PARVB: variants seen among roughly 807,000 people sequenced by gnomAD.
The protein encoded by PARVB is parvin beta, also known as beta-parvin.
Under a neutral mutation model 47.0 loss-of-function variants are expected in PARVB, and 46 were observed. The ratio of observed to expected loss-of-function variants is 0.98; its 90% CI spans 0.77 to 1.25. PARVB has a LOEUF of 1.25. Among genes scored for constraint, PARVB ranks in the 50% most tolerant of loss-of-function variants. The probability of loss-of-function intolerance (pLI) is 0.00; values close to 1 mark genes in which losing one functional copy is unlikely to be tolerated. For missense variants in PARVB, 473 were observed against 471.6 expected, an observed-to-expected ratio of 1.00 and a Z score of -0.03; for synonymous variants, 196 against 196.3, an observed-to-expected ratio of 1.00 and a Z score of 0.01.
intron 1 of PARVB, among the ~76,000 whole-genome samples, chr22:44,043,796 C>T (rs1365094747): frequency 6.6e-6 from 1 of 152,136 alleles, no homozygotes; most frequent in East Asian, 1.9e-4. Context: ...TGTTTTTCTC[C>T]AGTTGGTATT....
chr22:44,126,478 C>T (rs1421496075), intron 4 of PARVB, among the ~76,000 whole-genome samples: 1 of 152,246 alleles, frequency 6.6e-6, no homozygotes, highest in Non-Finnish European at 1.5e-5. Flanking sequence ...TAGATGCTCA[C>T]TTTCAACTCA....
At chr22:44,078,499 C>A (rs1186868220) in intron 1 of PARVB, among the ~76,000 whole-genome samples, 1 of 152,156 alleles carries the variant, frequency 6.6e-6, no homozygotes, top group Non-Finnish European at 1.5e-5. Context: ...TAGTAAAAGG[C>A]TCTGGTCCTC....
At chr22:44,001,517 T>C (rs1249362869) in intron 2 of PARVB, among the ~76,000 whole-genome samples, 2 of 152,210 alleles carry the variant, frequency 1.3e-5, no homozygotes, top group Non-Finnish European at 2.9e-5. Context: ...TAAGAAAGTA[T>C]TGAAGATCTT....
chr22:44,169,083 CTTCAGAAGTACAA>C lies in PARVB; in HGVS notation c.*406_*418del. ...CATGGTGCAGTTAGCGATCACAGGC[CTTCAGAAGTACAA>C]CATCAGCTCAGCAGGAACGCCGGCT... On this transcript the variant is annotated 3_prime_UTR_variant, in exon 13 of 13. Coordinates refer to ENST00000338758, the MANE Select transcript of PARVB (RefSeq NM_013327.5). The C allele has an allele frequency of 6.2e-6, 1 of 162,210 alleles. No individual in the cohort carries two copies. Among genetic ancestry groups the C allele is most frequent in the African/African-American group, 3.2e-5 (1 of 31,022 alleles). The allele number at this position is 162,210 out of a possible 1,614,324, so 10.0% of individuals were successfully genotyped here.
At chr22:44,023,664 G>C (rs73436605), upstream of PARVB, among the ~76,000 whole-genome samples, 2,637 of 151,970 alleles carry the variant, frequency 0.017, 82 homozygotes, top group African/African-American at 0.057. Flanking sequence ...CAACACATGC[G>C]AGGCCTGTCT....
chr22:44,154,947 G>GTA (rs1181623046), intron 10 of PARVB, among the ~76,000 whole-genome samples: 1 of 144,820 alleles, frequency 6.9e-6, no homozygotes, highest in Non-Finnish European at 1.5e-5. Flanking sequence ...TGATGTGTGT[G>GTA]TGTGTGTGTG....
Position 44,122,504 on chromosome 22 carries a change from GAGAGAGAGAGAGAGACAGAGAGAC to G in PARVB, c.376+3380_376+3403del, listed in dbSNP as rs1569134147. 4.5e-3 allele frequency among the ~76,000 whole-genome samples: 419 copies of G among 92,512 alleles called. 21 individuals carry two copies. Among genetic ancestry groups the G allele is most frequent in the Non-Finnish European group, 5.6e-3 (287 of 51,090 alleles). 60.7% of individuals were successfully genotyped at this position (92,512 alleles called of 152,430 possible). A position where few individuals can be genotyped will look rare whatever the true frequency, so the allele number is the denominator to read the frequency against. On this transcript the variant is annotated intron_variant, in intron 4 of 12. Coordinates refer to ENST00000338758, the MANE Select transcript of PARVB (RefSeq NM_013327.5). ...CTGTCGATCAAGAGAGAGAGAGAGA[GAGAGAGAGAGAGAGACAGAGAGAC>G]AGAGAGAGAGAGAGAGAGAGAGAGA...
intron 1 of PARVB, among the ~76,000 whole-genome samples, chr22:44,079,094 G>C (rs771652750): frequency 2.0e-5 from 3 of 152,180 alleles, no homozygotes; most frequent in Non-Finnish European, 4.4e-5. Flanking sequence ...TGATTCAGTC[G>C]TTCATGAATT....
chr22:44,040,220 T>C (rs973718282), intron 1 of PARVB, among the ~76,000 whole-genome samples: 7 of 152,218 alleles, frequency 4.6e-5, no homozygotes, highest in African/African-American at 1.7e-4. Context: ...ATAAAAGAAC[T>C]ATAAATAAAT....
At chr22:44,043,579 A>G (rs1279609064) in intron 1 of PARVB, among the ~76,000 whole-genome samples, 3 of 152,024 alleles carry the variant, frequency 2.0e-5, no homozygotes, top group Non-Finnish European at 4.4e-5. Flanking sequence ...GGGTTTCACC[A>G]TGTTGGCCAG....
At position 44,055,674 on chromosome 22, in the gene PARVB, C is replaced by CTATA. The variant is rs1263427845; in HGVS notation, c.112+31224_112+31225insATAT. ...TCTATCCATCTCTCTCTCTCTCTCTCTCTCTATATATATATATATTTGAAG... is the reference window on the plus strand; with the variant it reads ...TCTATCCATCTCTCTCTCTCTCTCTCTATATCTCTATATATATATATATTTGAAG... On this transcript the variant is annotated intron_variant, in intron 1 of 12. Coordinates refer to ENST00000338758, the MANE Select transcript of PARVB (RefSeq NM_013327.5). Among the ~76,000 whole-genome samples, 586 of 137,032 alleles carry CTATA rather than the reference C, an allele frequency of 4.3e-3. 5 individuals are homozygous for CTATA. Among genetic ancestry groups the CTATA allele is most frequent in the African/African-American group, 0.015 (529 of 34,902 alleles). The allele number at this position is 137,032 out of a possible 152,430, so 89.9% of individuals were successfully genotyped here.
At chr22:44,094,653 C>G (rs1377775611) in intron 2 of PARVB, among the ~76,000 whole-genome samples, 1 of 151,644 alleles carries the variant, frequency 6.6e-6, no homozygotes. Flanking sequence ...CCCCGCCCAC[C>G]TAACTTTTTA....
At position 44,012,950 on chromosome 22, in the gene PARVB, G is replaced by A. The variant is rs143117993; in HGVS notation, c.211+13277G>A. 6.9e-4 allele frequency among the ~76,000 whole-genome samples: 105 copies of A among 151,722 alleles called. 1 individual carries two copies. The highest frequency in any genetic ancestry group is 2.4e-3 in the African/African-American group (98 of 41,324). ...CTCGCTCTGTCACCCAGGCTGGAGT[G>A]CAGTTGCGCGATGTCAGCTTACTGC... On this transcript the variant is annotated intron_variant, in intron 2 of 13. Coordinates refer to the PARVB transcript ENST00000406477.
chr22:44,093,169 C>T (rs2052213617), intron 1 of PARVB, among the ~76,000 whole-genome samples: 1 of 152,266 alleles, frequency 6.6e-6, no homozygotes, highest in Middle Eastern at 3.4e-3. Context: ...GGTTTTGGCA[C>T]CTGGTGTCTG....
At chr22:44,088,333 A>C (rs2052081605) in intron 1 of PARVB, among the ~76,000 whole-genome samples, 1 of 152,108 alleles carries the variant, frequency 6.6e-6, no homozygotes. Context: ...CAGTAAGATG[A>C]GGTTGAAGAT....
intron 1 of PARVB, among the ~76,000 whole-genome samples, chr22:44,025,871 C>T (rs866962580): frequency 9.2e-5 from 14 of 152,306 alleles, no homozygotes; most frequent in Admixed American, 2.6e-4. Flanking sequence ...CCGCCATGGG[C>T]CAGGTGCTGC....
In PARVB at chr22:44,147,938, G is replaced by A. The variant is rs759028551; in HGVS notation, c.774+16G>A. ...GGTGAAGAAGGTGAGCTATTGGTGG[G>A]ATGTTGGATGTGCTCTCCCCTGGCT... On this transcript the variant is annotated intron_variant, in intron 9 of 12. Coordinates refer to ENST00000338758, the MANE Select transcript of PARVB (RefSeq NM_013327.5). 1 of 1,610,004 alleles carries A rather than the reference G, an allele frequency of 6.2e-7. No individual in the cohort carries two copies. The highest frequency in any genetic ancestry group is 2.2e-5 in the East Asian group (1 of 44,858).
intron 4 of PARVB, 21 bp downstream of exon 4, chr22:44,119,161 G>GTTCA: frequency 6.5e-7 from 1 of 1,536,174 alleles, no homozygotes; most frequent in South Asian, 1.1e-5. Context: ...AGCAGGGACA[G>GTTCA]CTCTGTCCCA....
At chr22:44,031,189 G>A (rs909143477) in intron 1 of PARVB, among the ~76,000 whole-genome samples, 2 of 152,212 alleles carry the variant, frequency 1.3e-5, no homozygotes, top group African/African-American at 2.4e-5. Flanking sequence ...AGGTCACTGC[G>A]ACGCTGCCCA....
Sources: gnomAD v4.1 joint callset for allele counts (sites outside exome capture counted in the v4.1 genomes callset) on GRCh38, gnomAD v4.1.1 for gene constraint, MANE v1.5 for transcripts, NCBI Gene and HGNC (gene_info 2026-07-23, HGNC 2026-07-21) for gene names.